FBXW7: variants seen among roughly 807,000 people sequenced by gnomAD.
The protein encoded by FBXW7 is F-box/WD repeat-containing protein 7.
FBXW7 carries 11 observed loss-of-function variants against 86.3 expected under a neutral mutation model. The ratio of observed to expected loss-of-function variants is 0.13; its 90% CI spans 0.08 to 0.21. FBXW7 has a LOEUF of 0.21. Among genes scored for constraint, FBXW7 ranks in the 10% least tolerant of loss-of-function variants. The pLI is 1.00. For synonymous variants in FBXW7, 313 were observed against 297.9 expected (o/e 1.05, Z -0.52); for missense variants, 488 against 847.4 (o/e 0.58, Z 5.27).
intron 4 of FBXW7, among the ~76,000 whole-genome samples, chr4:152,370,141 T>C (rs567166469): frequency 1.3e-5 from 2 of 152,110 alleles, no homozygotes; most frequent in African/African-American, 4.8e-5. Context: ...AACGCAGAGA[T>C]TTCTATGGAT....
rs759610249 is a variant in FBXW7 at position 152,323,032 on chromosome 4, C to T, written c.1973G>A (p.Arg658Gln). ...CCCACTCTCCAATGTGACTAGGTTT[C>T]GAATAAATTCACCCGTTTTCAAGTC... Reference protein sequence around the residue: ...LWDLKTGEFIRNLVTLESGGS... With the variant: ...LWDLKTGEFIQNLVTLESGGS... Residue 658 changes from arginine to glutamine, a missense_variant, in exon 14 of 14, where the codon CGA becomes CAA. Around this residue, in one of 4 missense-constraint regions of FBXW7, gnomAD observed 142 missense variants for 406.6 expected, o/e 0.35. Coordinates refer to ENST00000281708, the MANE Select transcript of FBXW7 (RefSeq NM_001349798.2). 4.3e-6 allele frequency: 7 copies of T among 1,613,664 alleles called. No homozygotes were observed. The highest frequency in any genetic ancestry group is 2.5e-6 in the Non-Finnish European group (3 of 1,179,824).
intron 4 of FBXW7, among the ~76,000 whole-genome samples, chr4:152,358,511 T>TAAAA (rs75134488): frequency 8.3e-6 from 1 of 120,986 alleles, no homozygotes; most frequent in African/African-American, 3.1e-5. Flanking sequence ...AGCTAAAGAC[T>TAAAA]AAAAAAAAAA....
At chr4:152,430,593 T>G (rs897937890) in intron 2 of FBXW7, among the ~76,000 whole-genome samples, 10 of 152,044 alleles carry the variant, frequency 6.6e-5, no homozygotes, top group African/African-American at 2.4e-4. Context: ...ATAATGTTAC[T>G]TGGTGTTAGA....
chr4:152,371,503 T>C (rs1364200132), intron 4 of FBXW7, among the ~76,000 whole-genome samples: 2 of 152,076 alleles, frequency 1.3e-5, no homozygotes, highest in African/African-American at 4.8e-5. Flanking sequence ...CGGCAGATTA[T>C]ACATTTCAAT....
At chr4:152,481,972 G>A (rs1475018806) in intron 2 of FBXW7, among the ~76,000 whole-genome samples, 3 of 152,204 alleles carry the variant, frequency 2.0e-5, no homozygotes, top group African/African-American at 7.2e-5. Context: ...CAGGGTTTGA[G>A]AGAACTGCCC....
intron 2 of FBXW7, among the ~76,000 whole-genome samples, chr4:152,432,085 C>T (rs1445664645): frequency 6.6e-6 from 1 of 152,182 alleles, no homozygotes; most frequent in Non-Finnish European, 1.5e-5. Context: ...AATGTGCTTC[C>T]TTCTAGTATA....
At chr4:152,347,575 A>G (rs1387541199) in intron 5 of FBXW7, among the ~76,000 whole-genome samples, 2 of 152,156 alleles carry the variant, frequency 1.3e-5, no homozygotes, top group African/African-American at 4.8e-5. Context: ...GATGCCTTCA[A>G]AATTGTCTAT....
At chr4:152,362,810 G>C (rs1167055753) in intron 4 of FBXW7, among the ~76,000 whole-genome samples, 2 of 118,726 alleles carry the variant, frequency 1.7e-5, no homozygotes, top group Non-Finnish European at 3.3e-5. Flanking sequence ...CTGGGCAACA[G>C]AGTGAAACTC....
chr4:152,344,377 A>G (rs1731049155), intron 6 of FBXW7, among the ~76,000 whole-genome samples: 1 of 152,126 alleles, frequency 6.6e-6, no homozygotes, highest in Non-Finnish European at 1.5e-5. Context: ...TTTCTTTGCT[A>G]CAGAATATTT....
At chr4:152,493,514 A>G (rs1445417120) in intron 2 of FBXW7, among the ~76,000 whole-genome samples, 2 of 152,150 alleles carry the variant, frequency 1.3e-5, no homozygotes, top group African/African-American at 4.8e-5. Context: ...TTATGTGCCA[A>G]ACTGTCTCCC....
chr4:152,337,746 T>C (rs1730293966), intron 7 of FBXW7, 56 bp downstream of exon 7: 1 of 1,521,732 alleles, frequency 6.6e-7, no homozygotes, highest in Non-Finnish European at 8.9e-7. Flanking sequence ...AGGTGGTAGC[T>C]GTTGAGTTAT....
At chr4:152,502,166 C>T (rs566334478) in intron 2 of FBXW7, among the ~76,000 whole-genome samples, 2 of 152,260 alleles carry the variant, frequency 1.3e-5, no homozygotes, top group South Asian at 2.1e-4. Context: ...GACTACTAAG[C>T]ACTTGAAATG....
At chr4:152,451,503 A>T (rs1372692650) in intron 2 of FBXW7, among the ~76,000 whole-genome samples, 1 of 152,132 alleles carries the variant, frequency 6.6e-6, no homozygotes. Context: ...TAAAGGTAAA[A>T]ATGTATCAAA....
At chr4:152,519,810 G>A (rs1748838889) in intron 2 of FBXW7, among the ~76,000 whole-genome samples, 2 of 152,170 alleles carry the variant, frequency 1.3e-5, no homozygotes, top group East Asian at 3.8e-4. Flanking sequence ...TTAAGAGACA[G>A]CATGCATGAT....
chr4:152,369,622 T>C (rs79447847), intron 4 of FBXW7, among the ~76,000 whole-genome samples: 1 of 151,996 alleles, frequency 6.6e-6, no homozygotes, highest in Non-Finnish European at 1.5e-5. Flanking sequence ...AATTAAAGAA[T>C]CTTAAAAATA....
chr4:152,436,731 A>C (rs1432752963), intron 2 of FBXW7, among the ~76,000 whole-genome samples: 2 of 152,202 alleles, frequency 1.3e-5, no homozygotes, highest in African/African-American at 4.8e-5. Flanking sequence ...AAAACTGTAG[A>C]GCTCTTAAGA....
chr4:152,353,117 A>C (rs953732003), intron 4 of FBXW7: 4 of 555,698 alleles, frequency 7.2e-6, no homozygotes, highest in Non-Finnish European at 9.7e-6. Context: ...TCCACAAATA[A>C]GTCTTTTCAG....
chr4:152,423,025 T>C (rs1256671110), intron 2 of FBXW7, among the ~76,000 whole-genome samples: 1 of 152,224 alleles, frequency 6.6e-6, no homozygotes, highest in Non-Finnish European at 1.5e-5. Context: ...CATATTCATC[T>C]GGTCTCTTTA....
chr4:152,346,741 G>T, intron 6 of FBXW7, 189 bp downstream of exon 6: 3 of 692,052 alleles, frequency 4.3e-6, no homozygotes, highest in Non-Finnish European at 6.9e-6. Flanking sequence ...TGCCTATTCT[G>T]GACATTTCAT....
Sources: allele counts gnomAD v4.1 joint callset (sites outside exome capture counted in the v4.1 genomes callset), GRCh38; gene constraint gnomAD v4.1.1; regional missense constraint gnomAD v4.1.1; transcripts MANE v1.5; gene names NCBI Gene and HGNC (gene_info 2026-07-23, HGNC 2026-07-21).